The following GPC6 variants were observed in gnomAD, a reference collection of about 807,000 sequenced individuals.
GPC6 encodes the protein glypican 6.
A neutral mutation model predicts 55.2 loss-of-function variants in GPC6; 14 were observed. The ratio of observed to expected loss-of-function variants is 0.25; its 90% CI spans 0.17 to 0.40. The LOEUF is 0.40. Ranked by LOEUF, GPC6 falls within the 10% of genes least tolerant of loss-of-function variation. The pLI is 1.00. For synonymous variants in GPC6, 278 were observed against 259.6 expected, an observed-to-expected ratio of 1.07 and a Z score of -0.68; for missense variants, 641 against 708.5, an observed-to-expected ratio of 0.90 and a Z score of 1.08.
intron 1 of GPC6, among the ~76,000 whole-genome samples, chr13:93,281,329 G>T (rs2139067598): frequency 6.6e-6 from 1 of 152,282 alleles, no homozygotes; most frequent in Admixed American, 6.5e-5. Context: ...GCGGTGTCTA[G>T]TGAGGGCCAG....
At chr13:93,361,707 A>G (rs1486806730) in intron 1 of GPC6, among the ~76,000 whole-genome samples, 1 of 152,192 alleles carries the variant, frequency 6.6e-6, no homozygotes, top group African/African-American at 2.4e-5. Flanking sequence ...CTATTCTATT[A>G]TGAGATGCGA....
Position 94,037,749 on chromosome 13 carries a change from C to T in GPC6, c.877+9855C>T, listed in dbSNP as rs188041793. 7.2e-5 allele frequency among the ~76,000 whole-genome samples: 11 copies of T among 151,932 alleles called. No individual in the cohort carries two copies. In the East Asian group the frequency reaches 2.1e-3, roughly 30 times the overall value. ...ACGGTACCAATTAACTCCTGCTGAG[C>T]ATTTAGGAAGTAACTGTTAATCTGT... On this transcript the variant is annotated intron_variant, in intron 4 of 8. Transcript: ENST00000377047.
At chr13:93,798,491 A>G (rs1275741050) in intron 2 of GPC6, among the ~76,000 whole-genome samples, 1 of 152,188 alleles carries the variant, frequency 6.6e-6, no homozygotes, top group African/African-American at 2.4e-5. Flanking sequence ...CCAAATAATT[A>G]TAGGCAGTGC....
chr13:94,147,273 C>T (rs1477312681), intron 4 of GPC6, among the ~76,000 whole-genome samples: 4 of 152,032 alleles, frequency 2.6e-5, no homozygotes. Context: ...ATTCTTTGCA[C>T]ATAGAAAGAT....
At chr13:93,290,726 C>A (rs1253779420) in intron 1 of GPC6, among the ~76,000 whole-genome samples, 3 of 152,072 alleles carry the variant, frequency 2.0e-5, no homozygotes, top group South Asian at 4.1e-4. Context: ...TTTGTTCCAA[C>A]CTTTGAAAAA....
intron 6 of GPC6, among the ~76,000 whole-genome samples, chr13:94,313,597 A>G (rs1256375800): frequency 3.3e-5 from 5 of 152,226 alleles, no homozygotes; most frequent in Non-Finnish European, 5.9e-5. Flanking sequence ...CCCAGTCCAC[A>G]TCACTGCTTT....
chr13:94,197,205 T>A (rs1889604935), intron 4 of GPC6, among the ~76,000 whole-genome samples: 1 of 152,108 alleles, frequency 6.6e-6, no homozygotes, highest in Non-Finnish European at 1.5e-5. Flanking sequence ...AACTCTACAG[T>A]ATTGAGAAAA....
chr13:93,833,065 G>A (rs566516759), intron 3 of GPC6, among the ~76,000 whole-genome samples: 1 of 138,434 alleles, frequency 7.2e-6, no homozygotes, highest in Non-Finnish European at 1.5e-5. Flanking sequence ...AGAGATAGAT[G>A]GATGGATGGA....
chr13:94,210,326 T>C (rs2138987795), intron 4 of GPC6, among the ~76,000 whole-genome samples: 3 of 151,982 alleles, frequency 2.0e-5, no homozygotes, highest in Middle Eastern at 6.8e-3. Context: ...CCAGCTAATT[T>C]TTGTATTTTT....
rs554754121 is a variant in GPC6, at chr13:93,560,115, G to A, written c.319+14694G>A. On this transcript the variant is annotated intron_variant, in intron 2 of 8. Coordinates refer to ENST00000377047, the MANE Select transcript of GPC6 (RefSeq NM_005708.5). ...AGTTTGTATTAAGGTCTCTTTATTG[G>A]ATTAATCCGGTTCTTTTCTCTTCCT... 2.2e-4 allele frequency among the ~76,000 whole-genome samples: 33 copies of A among 152,146 alleles called. 1 individual carries two copies. The highest frequency in any genetic ancestry group is 1.0e-3 in the Admixed American group (16 of 15,278).
intron 1 of GPC6, among the ~76,000 whole-genome samples, chr13:93,516,788 T>C (rs552494269): frequency 1.3e-5 from 2 of 150,842 alleles, no homozygotes; most frequent in South Asian, 4.2e-4. Flanking sequence ...GTAGCTTAGC[T>C]GCCTGTGGGC....
chr13:93,501,115 A>G (rs1228372442), intron 1 of GPC6, among the ~76,000 whole-genome samples: 1 of 152,140 alleles, frequency 6.6e-6, no homozygotes, highest in Non-Finnish European at 1.5e-5. Flanking sequence ...AAGATGAAAA[A>G]CACTTGTACT....
At chr13:93,653,833 T>A (rs1428250019) in intron 2 of GPC6, among the ~76,000 whole-genome samples, 1 of 152,176 alleles carries the variant, frequency 6.6e-6, no homozygotes, top group Non-Finnish European at 1.5e-5. Context: ...TAGTTACTTA[T>A]AATTTTACCT....
At chr13:93,810,757 T>C (rs1886672043) in intron 2 of GPC6, among the ~76,000 whole-genome samples, 1 of 152,318 alleles carries the variant, frequency 6.6e-6, no homozygotes, top group Admixed American at 6.5e-5. Context: ...AAACATTAGC[T>C]GATGCCTGGA....
At chr13:94,147,395 T>G (rs1308079786) in intron 4 of GPC6, among the ~76,000 whole-genome samples, 1 of 152,178 alleles carries the variant, frequency 6.6e-6, no homozygotes, top group African/African-American at 2.4e-5. Context: ...ATAGCCTGGG[T>G]CAAATCTCAG....
intron 1 of GPC6, among the ~76,000 whole-genome samples, chr13:93,274,349 G>T (rs866878965): frequency 2.0e-5 from 3 of 152,132 alleles, no homozygotes; most frequent in Non-Finnish European, 2.9e-5. Context: ...CATTCGGAAA[G>T]TGATATGAAT....
At chr13:94,349,025 T>C (rs1878414097) in intron 6 of GPC6, among the ~76,000 whole-genome samples, 1 of 152,236 alleles carries the variant, frequency 6.6e-6, no homozygotes, top group Non-Finnish European at 1.5e-5. Flanking sequence ...GTGCCTACGA[T>C]GGACCAGGCA....
chr13:94,133,554 G>A (rs1245728312), intron 4 of GPC6, among the ~76,000 whole-genome samples: 2 of 152,106 alleles, frequency 1.3e-5, no homozygotes, highest in South Asian at 2.1e-4. Flanking sequence ...AGAGCATAGG[G>A]TAAATAAGAG....
chr13:93,428,883 C>T (rs1877251906), intron 1 of GPC6, among the ~76,000 whole-genome samples: 1 of 152,130 alleles, frequency 6.6e-6, no homozygotes, highest in South Asian at 2.1e-4. Context: ...GGAAATCACA[C>T]ATTTAATCTC....
Sources: allele counts gnomAD v4.1 joint callset (sites outside exome capture counted in the v4.1 genomes callset), GRCh38; gene constraint gnomAD v4.1.1; transcripts MANE v1.5; gene names NCBI Gene and HGNC (gene_info 2026-07-23, HGNC 2026-07-21).